CTNNA2: variants seen among roughly 807,000 people sequenced by gnomAD.
The protein encoded by CTNNA2 is catenin alpha 2.
In CTNNA2, 42 loss-of-function variants were observed where a neutral mutation model predicts 101.0. That is an observed-to-expected ratio of 0.42 (90% CI 0.32 to 0.54). The LOEUF (loss-of-function observed/expected upper bound fraction) is 0.54, where lower values mean the gene tolerates loss of function less well. Ranked by LOEUF, CTNNA2 falls within the 20% of genes least tolerant of loss-of-function variation. CTNNA2 has a pLI of 0.14. For synonymous variants in CTNNA2, 450 were observed against 456.4 expected (o/e 0.99, Z 0.18); for missense variants, 871 against 1,223.1 (o/e 0.71, Z 4.29).
intron 1 of CTNNA2, among the ~76,000 whole-genome samples, chr2:79,543,090 T>G (rs1253582740): frequency 6.6e-6 from 1 of 152,162 alleles, no homozygotes; most frequent in Non-Finnish European, 1.5e-5. Context: ...CTTACAGTGT[T>G]AAGTGAATTG....
intron 2 of CTNNA2, among the ~76,000 whole-genome samples, chr2:79,298,806 A>T (rs1243667480): frequency 1.3e-5 from 2 of 152,232 alleles, no homozygotes; most frequent in Non-Finnish European, 2.9e-5. Flanking sequence ...CTAAATATTC[A>T]AAACTAAATC....
At chr2:80,201,926 G>A (rs371557792) in intron 7 of CTNNA2, among the ~76,000 whole-genome samples, 7 of 152,016 alleles carry the variant, frequency 4.6e-5, no homozygotes, top group Non-Finnish European at 1.0e-4. Context: ...TGCTGCCCTC[G>A]CTACATTTTA....
At chr2:80,328,152 C>T (rs975548213) in intron 7 of CTNNA2, 29 of 400,962 alleles carry the variant, frequency 7.2e-5, no homozygotes, top group African/African-American at 5.4e-4. Context: ...TTGTCCCTGT[C>T]TCCTCGCTCA....
intron 6 of CTNNA2, among the ~76,000 whole-genome samples, chr2:79,884,871 T>C (rs908170145): frequency 1.3e-5 from 2 of 152,080 alleles, no homozygotes; most frequent in Admixed American, 1.3e-4. Flanking sequence ...CTCAGACTGG[T>C]GCACGGAAAA....
chr2:80,511,702 G>A (rs1374223807), intron 9 of CTNNA2, among the ~76,000 whole-genome samples: 1 of 152,278 alleles, frequency 6.6e-6, no homozygotes, highest in East Asian at 1.9e-4. Flanking sequence ...ATAGAGTACT[G>A]TAATACTACT....
chr2:80,193,033 A>G (rs2149001041), intron 7 of CTNNA2, among the ~76,000 whole-genome samples: 1 of 152,256 alleles, frequency 6.6e-6, no homozygotes, highest in East Asian at 1.9e-4. Flanking sequence ...CTTCATATTG[A>G]AATTACTGTC....
chr2:79,736,448 G>T (rs10496231), intron 2 of CTNNA2, among the ~76,000 whole-genome samples: 31,174 of 152,086 alleles, frequency 0.2, 3,287 homozygotes, highest in Non-Finnish European at 0.23. Flanking sequence ...AAACCTGACT[G>T]AAGATTTCTC....
rs3739139 is a variant in CTNNA2, at chr2:79,651,538, A to C, written c.-5-14A>C. On this transcript the variant is annotated splice_polypyrimidine_tract_variant and intron_variant, in intron 1 of 18. Transcript: ENST00000402739. ...AAGATGATTATTTCTAACTGATTACATGTGTTCCCATAGGGAGCATGACTT... is the reference window on the plus strand; with the variant it reads ...AAGATGATTATTTCTAACTGATTACCTGTGTTCCCATAGGGAGCATGACTT... The C allele has an allele frequency of 6.1e-5, 98 of 1,601,920 alleles. 1 individual carries two copies. The African/African-American group carries it at 1.2e-3, about 20-fold the overall frequency.
At chr2:79,268,318 G>A (rs1433592606) in intron 2 of CTNNA2, among the ~76,000 whole-genome samples, 3 of 152,054 alleles carry the variant, frequency 2.0e-5, no homozygotes, top group East Asian at 3.9e-4. Context: ...AAGAGGCCTC[G>A]GTGTTCCTAG....
chr2:80,304,607 C>T (rs182404870), intron 7 of CTNNA2: 2,802 of 152,000 alleles, frequency 0.018, 73 homozygotes, highest in African/African-American at 0.055. Context: ...CTCACTCATG[C>T]TTTGCGGGCG....
chr2:79,311,042 T>G (rs13418113), intron 2 of CTNNA2, among the ~76,000 whole-genome samples: 42,182 of 152,012 alleles, frequency 0.28, 6,676 homozygotes, highest in African/African-American at 0.43. Flanking sequence ...TTGCATATGT[T>G]GATTAACTAA....
intron 4 of CTNNA2, among the ~76,000 whole-genome samples, chr2:79,415,121 G>T (rs535290922): frequency 6.6e-6 from 1 of 152,214 alleles, no homozygotes. Context: ...GGCCTAATGG[G>T]AGGTATTGGA....
chr2:80,427,073 AC>A (rs1681062257), intron 9 of CTNNA2, among the ~76,000 whole-genome samples: 1 of 152,016 alleles, frequency 6.6e-6, no homozygotes, highest in South Asian at 2.1e-4. Context: ...CCTAACTACA[AC>A]CCAGCTCCTA....
chr2:79,684,820 G>A (rs1683826261), intron 2 of CTNNA2, among the ~76,000 whole-genome samples: 1 of 152,140 alleles, frequency 6.6e-6, no homozygotes, highest in Admixed American at 6.6e-5. Context: ...AGAGATTGAA[G>A]ATTTGTCCAA....
intron 9 of CTNNA2, among the ~76,000 whole-genome samples, chr2:80,490,535 C>T (rs1007298830): frequency 1.3e-5 from 2 of 152,060 alleles, no homozygotes; most frequent in Non-Finnish European, 2.9e-5. Context: ...CATAAAACTA[C>T]TCTTTGTCTG....
chr2:79,404,143 TA>T (rs61597049), intron 4 of CTNNA2, among the ~76,000 whole-genome samples: 61,552 of 146,550 alleles, frequency 0.42, 13,503 homozygotes, highest in Non-Finnish European at 0.5. Context: ...TGAATAAATG[TA>T]AAAAAAAAAA....
chr2:80,371,052 C>T (rs1488892026), intron 7 of CTNNA2, among the ~76,000 whole-genome samples: 1 of 142,138 alleles, frequency 7.0e-6, no homozygotes, highest in Non-Finnish European at 1.5e-5. Flanking sequence ...TTTTCTGTAT[C>T]CCTATATCTT....
chr2:79,891,639 T>C (rs897650687), intron 6 of CTNNA2, among the ~76,000 whole-genome samples: 6 of 152,282 alleles, frequency 3.9e-5, no homozygotes, highest in Non-Finnish European at 7.4e-5. Flanking sequence ...ATGCTGTTTT[T>C]ATTTTCAGAT....
At chr2:79,818,846 T>TATATATATATATATATAG (rs1175120515) in intron 3 of CTNNA2, among the ~76,000 whole-genome samples, 1 of 138,072 alleles carries the variant, frequency 7.2e-6, no homozygotes, top group Non-Finnish European at 1.5e-5. Flanking sequence ...TATATATATA[T>TATATATATATATATATAG]ATGGATGTAT....
Sources: gnomAD v4.1 joint callset for allele counts (sites outside exome capture counted in the v4.1 genomes callset) on GRCh38, gnomAD v4.1.1 for gene constraint, MANE v1.5 for transcripts, NCBI Gene and HGNC (gene_info 2026-07-23, HGNC 2026-07-21) for gene names.